TIAM2: variants seen among roughly 807,000 people sequenced by gnomAD.
TIAM2 encodes the protein TIAM Rac1 associated GEF 2.
A neutral mutation model predicts 152.9 loss-of-function variants in TIAM2; 80 were observed. The observed-to-expected ratio is 0.52, with a 90% CI of 0.44 to 0.63. The LOEUF (loss-of-function observed/expected upper bound fraction) is 0.63. Ranked by LOEUF, TIAM2 falls within the 30% of genes least tolerant of loss-of-function variation. The pLI is 0.00. For missense variants in TIAM2, 1,965 were observed against 2,120.1 expected (o/e 0.93, Z 1.44); for synonymous variants, 804 against 838.0 (o/e 0.96, Z 0.70).
chr6:155,010,550 G>T (rs1188017121), intron 1 of TIAM2, among the ~76,000 whole-genome samples: 1 of 152,084 alleles, frequency 6.6e-6, no homozygotes, highest in Non-Finnish European at 1.5e-5. Context: ...GTGCCTCCTG[G>T]GTTCAACCCA....
At chr6:155,114,054 T>TC in intron 2 of TIAM2, among the ~76,000 whole-genome samples, 1 of 96,110 alleles carries the variant, frequency 1.0e-5, no homozygotes, top group African/African-American at 4.3e-5. Context: ...TTTTTTCTTT[T>TC]TTTTTTTTTT....
intron 2 of TIAM2, among the ~76,000 whole-genome samples, chr6:155,099,395 G>A (rs1778502366): frequency 6.6e-6 from 1 of 152,090 alleles, no homozygotes; most frequent in Non-Finnish European, 1.5e-5. Flanking sequence ...TACATACCAT[G>A]CTAGTATTGC....
At chr6:155,008,977 A>G (rs1262824402) in intron 1 of TIAM2, among the ~76,000 whole-genome samples, 2 of 152,004 alleles carry the variant, frequency 1.3e-5, no homozygotes, top group South Asian at 2.1e-4. Context: ...TGGAAAGCAC[A>G]TTAGGTATTG....
rs929123437 is a variant in TIAM2, at chr6:155,076,947, C to T, written c.-208-13342C>T. Among the ~76,000 whole-genome samples the T allele has an allele frequency of 4.6e-5, 7 of 152,304 alleles. No homozygotes were observed. The South Asian group carries it at 6.2e-4, about 14-fold the overall frequency. On this transcript the variant is annotated intron_variant, in intron 1 of 26. Coordinates refer to ENST00000682666, the MANE Select transcript of TIAM2 (RefSeq NM_012454.4). ...CTGACCTCGGATGATCCACCCTCCT[C>T]GGCCTCCCAAAGTGCTGGGATTACA... is the stretch of plus-strand genomic sequence containing the variant.
intron 16 of TIAM2, 113 bp downstream of exon 16, chr6:155,240,822 G>C (rs1166129084): frequency 2.7e-6 from 3 of 1,096,538 alleles, no homozygotes; most frequent in Middle Eastern, 5.2e-4. Flanking sequence ...TCCCCAGGGG[G>C]GGACACCTGC....
rs1279506081 is a variant in TIAM2 at position 155,218,153 on chromosome 6, G to T, written c.3168+6846G>T. Among the ~76,000 whole-genome samples the T allele has an allele frequency of 1.3e-5, 2 of 152,208 alleles. No homozygotes were observed. The highest frequency in any genetic ancestry group is 1.3e-4 in the Admixed American group (2 of 15,288). The stretch of plus-strand genomic sequence containing the variant: ...CTAAAAGATAACTTATTTATAAACC[G>T]TAGTCTTTCTCCATGGTTGCTATTC... On this transcript the variant is annotated intron_variant, in intron 15 of 26. Coordinates refer to ENST00000682666, the MANE Select transcript of TIAM2 (RefSeq NM_012454.4). The surrounding 1 kb of genome is among the most constrained non-coding windows in gnomAD (Gnocchi z 4.5).
intron 7 of TIAM2, among the ~76,000 whole-genome samples, chr6:155,153,156 T>A (rs997941881): frequency 3.9e-5 from 6 of 152,166 alleles, no homozygotes; most frequent in Non-Finnish European, 8.8e-5. Flanking sequence ...TTTTCATTTT[T>A]GGTTCTCCCC....
At position 155,149,660 on chromosome 6, in the gene TIAM2, C is replaced by T. The variant is rs931428677; in HGVS notation, c.2028+1326C>T. ...GCATGAGGCTGGGCATGGTGGCTGA[C>T]GCCTATAATCCCGGCGCTTTGGGAG... On this transcript the variant is annotated intron_variant, in intron 7 of 26. Coordinates refer to ENST00000682666, the MANE Select transcript of TIAM2 (RefSeq NM_012454.4). 8.2e-4 allele frequency among the ~76,000 whole-genome samples: 125 copies of T among 152,078 alleles called. 3 individuals carry two copies. Among genetic ancestry groups the T allele is most frequent in the African/African-American group, 6.3e-4 (26 of 41,412 alleles).
intron 1 of TIAM2, among the ~76,000 whole-genome samples, chr6:155,052,909 T>A (rs1179398188): frequency 2.0e-5 from 3 of 152,174 alleles, no homozygotes; most frequent in African/African-American, 7.2e-5. Context: ...GTTCCATAAA[T>A]GCTAGGACCA....
At chr6:155,245,770 T>TTTTTG (rs59227229) in intron 19 of TIAM2, 39 bp downstream of exon 19, 1 of 1,406,000 alleles carries the variant, frequency 7.1e-7, no homozygotes, top group Non-Finnish European at 9.7e-7. Context: ...TTTTTTTTTT[T>TTTTTG]GCATTTTTAA....
At chr6:155,236,615 A>T (rs1782773353) in intron 15 of TIAM2, among the ~76,000 whole-genome samples, 1 of 152,208 alleles carries the variant, frequency 6.6e-6, no homozygotes, top group South Asian at 2.1e-4. Flanking sequence ...GTGAGCTGAG[A>T]TCGTGCCACT....
chr6:155,071,614 A>G (rs1777839468), intron 1 of TIAM2, among the ~76,000 whole-genome samples: 1 of 152,174 alleles, frequency 6.6e-6, no homozygotes, highest in South Asian at 2.1e-4. Context: ...CTGAAAGTAA[A>G]GAATTATTGG....
chr6:155,016,923 A>G (rs1778600130), intron 1 of TIAM2, among the ~76,000 whole-genome samples: 1 of 152,178 alleles, frequency 6.6e-6, no homozygotes. Context: ...ATAAATAAAA[A>G]TCAATAAATA....
At chr6:155,195,858 T>G (rs1781331427) in intron 14 of TIAM2, among the ~76,000 whole-genome samples, 1 of 152,214 alleles carries the variant, frequency 6.6e-6, no homozygotes, top group Non-Finnish European at 1.5e-5. Context: ...GGCCTGTTTT[T>G]CGGCAGGTGT....
intron 14 of TIAM2, among the ~76,000 whole-genome samples, chr6:155,202,211 A>G (rs1469090681): frequency 2.0e-5 from 3 of 151,980 alleles, no homozygotes; most frequent in Non-Finnish European, 4.4e-5. Context: ...AGTTATTTCT[A>G]TTATTTCATT....
At position 155,203,048 on chromosome 6, in the gene TIAM2, CAAAAA is replaced by C. The variant is rs59836931; in HGVS notation, c.3065-8138_3065-8134del. Among the ~76,000 whole-genome samples the C allele has an allele frequency of 3.9e-3, 304 of 78,882 alleles. 5 individuals carry two copies. The highest frequency in any genetic ancestry group is 5.1e-3 in the Non-Finnish European group (236 of 46,438). 51.7% of individuals were successfully genotyped at this position (78,882 alleles called of 152,430 possible). A position where few individuals can be genotyped will look rare whatever the true frequency, so the allele number is the denominator to read the frequency against. On this transcript the variant is annotated intron_variant, in intron 14 of 26. Coordinates refer to ENST00000682666, the MANE Select transcript of TIAM2 (RefSeq NM_012454.4). ...TGGGTGACAGAGCAAAACTCTGTCT[CAAAAA>C]AAAAAAAAAAAAAAAAAGAGAAAGA...
intron 20 of TIAM2, among the ~76,000 whole-genome samples, chr6:155,248,874 A>G (rs1783489180): frequency 6.6e-6 from 1 of 152,222 alleles, no homozygotes; most frequent in Non-Finnish European, 1.5e-5. Context: ...GGGGAGAGAG[A>G]GGCTTATTAA....
At position 155,129,567 on chromosome 6, in the gene TIAM2, G is replaced by A; in HGVS notation, c.344G>A (p.Gly115Asp). 1.2e-6 allele frequency: 2 copies of A among 1,614,124 alleles called. No individual in the cohort carries two copies. The highest frequency in any genetic ancestry group is 2.2e-5 in the South Asian group (2 of 91,076). ...GISAAFSTENGFHSVGHELAD... is the reference protein window; with the variant it reads ...GISAAFSTENDFHSVGHELAD... Reference sequence around the variant, plus strand: ...AGTGCTGCTTTCTCAACTGAGAATGGCTTCCACTCTGTTGGCCACGAGCTG... The same window carrying A: ...AGTGCTGCTTTCTCAACTGAGAATGACTTCCACTCTGTTGGCCACGAGCTG... The change falls in exon 4 of 27, where the codon GGC becomes GAC. Residue 115 changes from glycine (G) to aspartate (D), a missense_variant. Physicochemically the swap from Gly to Asp is moderately conservative, Grantham distance 94. Around this residue, in one of 3 missense-constraint regions of TIAM2, gnomAD observed 1,025 missense variants for 1,119.4 expected, o/e 0.92. Transcript: ENST00000682666. This position sits in a 1 kb window ranked among gnomAD's most constrained non-coding sequence, Gnocchi z 4.8.
chr6:155,155,514 G>T (rs551470416), intron 7 of TIAM2, among the ~76,000 whole-genome samples: 3 of 152,152 alleles, frequency 2.0e-5, no homozygotes, highest in Non-Finnish European at 4.4e-5. Flanking sequence ...TTTCTCTGTC[G>T]CCCAGGCTGG....
Sources: allele counts gnomAD v4.1 joint callset (sites outside exome capture counted in the v4.1 genomes callset), GRCh38; gene constraint gnomAD v4.1.1; regional missense constraint gnomAD v4.1.1; non-coding constraint Gnocchi (gnomAD v3.1); transcripts MANE v1.5; gene names NCBI Gene and HGNC (gene_info 2026-07-23, HGNC 2026-07-21).